The following CSMD1 variants were observed in gnomAD, a reference collection of about 807,000 sequenced individuals.
CSMD1 encodes the protein CUB and sushi domain-containing protein 1.
CSMD1 carries 213 observed loss-of-function variants against 417.5 expected under a neutral mutation model. The ratio of observed to expected loss-of-function variants is 0.51; its 90% CI spans 0.46 to 0.57. The LOEUF is 0.57. Ranked by LOEUF, CSMD1 falls within the 20% of genes least tolerant of loss-of-function variation. The pLI, the probability that CSMD1 is intolerant of heterozygous loss-of-function variation, is 0.00. For synonymous variants in CSMD1, 2,862 were observed against 1,736.8 expected (o/e 1.65, Z -16.11); for missense variants, 6,923 against 4,529.7 (o/e 1.53, Z -15.17).
intron 12 of CSMD1, among the ~76,000 whole-genome samples, chr8:3,467,926 A>G (rs534827012): frequency 2.6e-4 from 40 of 152,386 alleles, no homozygotes; most frequent in Middle Eastern, 3.4e-3. Flanking sequence ...TTCAAAAAGT[A>G]GAATAAAATA....
At chr8:3,347,797 T>G (rs1808111131) in intron 22 of CSMD1, among the ~76,000 whole-genome samples, 195 bp downstream of exon 22, 1 of 152,312 alleles carries the variant, frequency 6.6e-6, no homozygotes, top group African/African-American at 2.4e-5. Flanking sequence ...CAAAGTTATT[T>G]CAAAGTCCAC....
At chr8:4,601,686 A>ACTC (rs1800593577) in intron 2 of CSMD1, among the ~76,000 whole-genome samples, 1 of 152,168 alleles carries the variant, frequency 6.6e-6, no homozygotes, top group Admixed American at 6.5e-5. Context: ...TCATCATGCA[A>ACTC]TGAGGGGATC....
intron 2 of CSMD1, among the ~76,000 whole-genome samples, chr8:4,578,920 T>C (rs1389942473): frequency 2.0e-5 from 3 of 151,266 alleles, no homozygotes; most frequent in African/African-American, 4.9e-5. Flanking sequence ...AAAACCACCA[T>C]GTGGAAAAAT....
chr8:4,091,266 T>C (rs1165914939), intron 3 of CSMD1, among the ~76,000 whole-genome samples: 1 of 152,028 alleles, frequency 6.6e-6, no homozygotes, highest in Non-Finnish European at 1.5e-5. Context: ...TAGAAAAAAA[T>C]AATAATCTAA....
intron 2 of CSMD1, among the ~76,000 whole-genome samples, chr8:4,484,768 G>C (rs1011470264): frequency 2.0e-5 from 3 of 151,892 alleles, no homozygotes; most frequent in African/African-American, 7.3e-5. Flanking sequence ...AGGAGATCGA[G>C]ACCATCCTGG....
chr8:3,192,046 G>C (rs1202698551), intron 33 of CSMD1, among the ~76,000 whole-genome samples: 1 of 151,988 alleles, frequency 6.6e-6, no homozygotes, highest in Non-Finnish European at 1.5e-5. Flanking sequence ...GACATTATTT[G>C]GGTAACTGCT....
chr8:4,139,696 AT>A (rs1803664157), intron 3 of CSMD1, among the ~76,000 whole-genome samples: 8 of 151,158 alleles, frequency 5.3e-5, no homozygotes, highest in Admixed American at 3.3e-4. Flanking sequence ...TGTTAGAATG[AT>A]GATTTTGGTG....
intron 3 of CSMD1, among the ~76,000 whole-genome samples, chr8:4,129,409 T>C (rs1376024857): frequency 6.6e-6 from 1 of 152,152 alleles, no homozygotes; most frequent in Non-Finnish European, 1.5e-5. Flanking sequence ...TTCTCCTTTC[T>C]TGGCTAATTT....
chr8:3,034,328 G>A (rs996289753), intron 50 of CSMD1, among the ~76,000 whole-genome samples: 1 of 152,070 alleles, frequency 6.6e-6, no homozygotes, highest in Non-Finnish European at 1.5e-5. Context: ...CAGAGAAAAA[G>A]CCAACCAAGA....
intron 51 of CSMD1, among the ~76,000 whole-genome samples, chr8:3,027,427 G>C (rs919355484): frequency 1.3e-5 from 2 of 152,192 alleles, no homozygotes; most frequent in African/African-American, 4.8e-5. Context: ...ATGTTAGAGG[G>C]ACCAAATGAA....
At chr8:3,984,295 C>A (rs1814140373) in intron 5 of CSMD1, among the ~76,000 whole-genome samples, 2 of 152,178 alleles carry the variant, frequency 1.3e-5, no homozygotes, top group South Asian at 4.1e-4. Flanking sequence ...AAATGTCACA[C>A]ATGCACAGAG....
Position 4,864,875 on chromosome 8 carries a change from TAC to T in CSMD1, c.85+129455_85+129456del, listed in dbSNP as rs35135942. On this transcript the variant is annotated intron_variant, in intron 1 of 69. Coordinates refer to ENST00000635120, the MANE Select transcript of CSMD1 (RefSeq NM_033225.6). ...ATATCACTGAAATATTGGATTCTACTACACACACACACACACACACAAACACA... is the reference window on the plus strand; with the variant it reads ...ATATCACTGAAATATTGGATTCTACTACACACACACACACACACAAACACA... Among the ~76,000 whole-genome samples the T allele has an allele frequency of 2.0e-3, 287 of 146,976 alleles. 1 individual carries two copies. Among genetic ancestry groups the T allele is most frequent in the Admixed American group, 7.6e-3 (111 of 14,686 alleles).
Position 4,817,519 on chromosome 8 carries a change from A to C in CSMD1, c.85+176813T>G, listed in dbSNP as rs1347049880. Among the ~76,000 whole-genome samples, 7 of 152,242 alleles carry C rather than the reference A, an allele frequency of 4.6e-5. No individual in the cohort carries two copies. In the South Asian group the frequency reaches 1.0e-3, roughly 22 times the overall value. ...TCCAGTTCTTATTCCAGCCACAGGC[A>C]AAAGGCCAAGACACTACTGCATGGT... On this transcript the variant is annotated intron_variant, in intron 1 of 69. Coordinates refer to ENST00000635120, the MANE Select transcript of CSMD1 (RefSeq NM_033225.6).
At chr8:3,506,461 T>C (rs1585270746) in intron 10 of CSMD1, among the ~76,000 whole-genome samples, 1 of 152,156 alleles carries the variant, frequency 6.6e-6, no homozygotes, top group Non-Finnish European at 1.5e-5. Context: ...CCACTGGTCA[T>C]GGCCAGAAAG....
intron 1 of CSMD1, among the ~76,000 whole-genome samples, chr8:4,653,430 C>T (rs1175735607): frequency 1.3e-5 from 2 of 152,046 alleles, no homozygotes; most frequent in African/African-American, 4.8e-5. Flanking sequence ...CACAAGAGTA[C>T]CTTGTCTGTC....
chr8:4,139,890 G>A (rs934938070), intron 3 of CSMD1, among the ~76,000 whole-genome samples: 2 of 150,982 alleles, frequency 1.3e-5, no homozygotes, highest in Non-Finnish European at 2.9e-5. Flanking sequence ...TCAGAAGCAA[G>A]GGTGGAAGGG....
At chr8:3,751,582 A>G (rs1330851050) in intron 6 of CSMD1, among the ~76,000 whole-genome samples, 1 of 150,830 alleles carries the variant, frequency 6.6e-6, no homozygotes, top group East Asian at 1.9e-4. Flanking sequence ...TCTATAATGT[A>G]GTTGTATTGT....
chr8:4,045,039 G>C (rs909031111), intron 3 of CSMD1, among the ~76,000 whole-genome samples: 2 of 152,202 alleles, frequency 1.3e-5, no homozygotes, highest in Admixed American at 6.5e-5. Flanking sequence ...GTTTTACAAA[G>C]CTGATTTACA....
At chr8:3,797,265 T>C (rs1281470814) in intron 5 of CSMD1, among the ~76,000 whole-genome samples, 1 of 151,966 alleles carries the variant, frequency 6.6e-6, no homozygotes, top group African/African-American at 2.4e-5. Flanking sequence ...AAAGTAGTTT[T>C]TAAAATTGAG....
Sources: allele counts gnomAD v4.1 joint callset (sites outside exome capture counted in the v4.1 genomes callset), GRCh38; gene constraint gnomAD v4.1.1; transcripts MANE v1.5; gene names NCBI Gene and HGNC (gene_info 2026-07-23, HGNC 2026-07-21).